Variants in SFI1 observed in about 807,000 individuals in gnomAD.
The protein encoded by SFI1 is SFI1 centrin binding protein, also known as protein SFI1 homolog.
SFI1 carries 195 observed loss-of-function variants against 207.5 expected under a neutral mutation model. The ratio of observed to expected loss-of-function variants is 0.94; its 90% confidence interval spans 0.84 to 1.06. The LOEUF (loss-of-function observed/expected upper bound fraction) is 1.06. SFI1 is among the 50% of genes least tolerant of loss of function. SFI1 has a pLI of 0.00. For synonymous variants in SFI1, 630 were observed against 598.9 expected, an observed-to-expected ratio of 1.05 and a Z score of -0.76; for missense variants, 1,634 against 1,588.0, an observed-to-expected ratio of 1.03 and a Z score of -0.49.
At chr22:31,522,348 A>AGGAGG in intron 2 of SFI1, among the ~76,000 whole-genome samples, 1 of 152,114 alleles carries the variant, frequency 6.6e-6, no homozygotes. Flanking sequence ...GTGAGCCACC[A>AGGAGG]CGCCTGGCCT....
chr22:31,561,504 G>A (rs910566489), intron 8 of SFI1, 112 bp downstream of exon 8: 1 of 840,184 alleles, frequency 1.2e-6, no homozygotes, highest in Non-Finnish European at 1.8e-6. Flanking sequence ...GAGGGGGTGG[G>A]GACAGAGGTA....
intron 22 of SFI1, among the ~76,000 whole-genome samples, chr22:31,609,866 GC>G (rs1440053236): frequency 6.6e-6 from 1 of 152,248 alleles, no homozygotes; most frequent in African/African-American, 2.4e-5. Flanking sequence ...AGCTCCAGAG[GC>G]TTTTGGCCAG....
chr22:31,609,278 G>A (rs965408233), intron 22 of SFI1, among the ~76,000 whole-genome samples: 1 of 152,062 alleles, frequency 6.6e-6, no homozygotes, highest in Non-Finnish European at 1.5e-5. Flanking sequence ...GATTACAGGC[G>A]TGAGCCACTA....
At chr22:31,574,629 C>CT (rs1443272391) in intron 9 of SFI1, among the ~76,000 whole-genome samples, 4 of 152,194 alleles carry the variant, frequency 2.6e-5, no homozygotes, top group African/African-American at 9.7e-5. Context: ...TCATCAGTAT[C>CT]TAACTAGAAG....
intron 8 of SFI1, among the ~76,000 whole-genome samples, chr22:31,569,559 A>G (rs900463743): frequency 2.0e-5 from 3 of 152,190 alleles, no homozygotes; most frequent in African/African-American, 7.2e-5. Context: ...ATGAAAGAGA[A>G]AAAAAGCAGG....
At chr22:31,607,889 A>C in intron 21 of SFI1, 48 bp from the exon 22 acceptor site, 3 of 1,571,990 alleles carry the variant, frequency 1.9e-6, no homozygotes, top group Non-Finnish European at 2.6e-6. Flanking sequence ...GTGGACCCGG[A>C]AGCCAGGAGG....
At chr22:31,539,262 C>T (rs1483846206) in intron 4 of SFI1, among the ~76,000 whole-genome samples, 1 of 152,126 alleles carries the variant, frequency 6.6e-6, no homozygotes, top group Non-Finnish European at 1.5e-5. Flanking sequence ...TGCCCCTAGT[C>T]AGTATCTTCT....
intron 2 of SFI1, among the ~76,000 whole-genome samples, chr22:31,528,038 C>T (rs184240424): frequency 5.3e-5 from 8 of 152,006 alleles, no homozygotes; most frequent in Admixed American, 2.0e-4. Flanking sequence ...TGCTTGAACC[C>T]GGGAGGCGGA....
Position 31,546,938 on chromosome 22 carries a change from G to C in SFI1, c.416G>C (p.Trp139Ser). Residue 139 changes from tryptophan (W) to serine (S), a missense_variant, in exon 5 of 33, where the codon TGG becomes TCG. Physicochemically the swap from Trp to Ser is radical, Grantham distance 177. Transcript: ENST00000400288. The part of the protein sequence containing the change: ...KEEWWVFQHE[W>S]KLCVRADCHY... ...GAGTGGTGGGTTTTCCAGCACGAGT[G>C]GAAACTCTGTGTTCGAGCTGACTGT... 1 of 1,611,810 alleles carries C rather than the reference G, an allele frequency of 6.2e-7. No homozygotes were observed. Among genetic ancestry groups the C allele is most frequent in the Non-Finnish European group, 8.5e-7 (1 of 1,179,002 alleles).
intron 19 of SFI1, 32 bp downstream of exon 19, chr22:31,604,436 T>C (rs1569449219): frequency 9.5e-6 from 14 of 1,469,308 alleles, no homozygotes; most frequent in Non-Finnish European, 1.2e-5. Flanking sequence ...CTGATCTTGC[T>C]GTGGGGACAG....
chr22:31,598,494 A>G (rs1603296724), intron 15 of SFI1, among the ~76,000 whole-genome samples: 1 of 151,222 alleles, frequency 6.6e-6, no homozygotes, highest in Non-Finnish European at 1.5e-5. Flanking sequence ...GTCTCAGCTC[A>G]CTGCAAGCTC....
chr22:31,616,077 G>C (rs2071382984), intron 29 of SFI1: 1 of 152,224 alleles, frequency 6.6e-6, no homozygotes. Context: ...AGGGGAAGGA[G>C]AGAGGGGAGG....
At chr22:31,593,133 T>G (rs2066378301) in intron 15 of SFI1, among the ~76,000 whole-genome samples, 1 of 135,392 alleles carries the variant, frequency 7.4e-6, no homozygotes. Flanking sequence ...GGCGGGGGGC[T>G]GACCCCCCCC....
chr22:31,523,312 A>G (rs1326808731), intron 2 of SFI1, among the ~76,000 whole-genome samples: 1 of 152,196 alleles, frequency 6.6e-6, no homozygotes, highest in African/African-American at 2.4e-5. Context: ...ACAAATGACC[A>G]GTATTTGGCC....
At chr22:31,561,490 C>G (rs2061695675) in intron 8 of SFI1, 98 bp downstream of exon 8, 4 of 1,012,590 alleles carry the variant, frequency 4.0e-6, no homozygotes, top group Non-Finnish European at 5.8e-6. Context: ...AGCTCAGGGC[C>G]TGAGAGGGGG....
Position 31,558,147 on chromosome 22 carries a change from T to A in SFI1, c.662+1088T>A, listed in dbSNP as rs1372170466. On this transcript the variant is annotated intron_variant, in intron 7 of 32. Transcript: ENST00000400288. ...GAAATAGTTACACCATACTTAAAGG[T>A]TTGTCATCAGGAATAAATAAAGTAA... Among the ~76,000 whole-genome samples, 4 of 152,110 alleles carry A rather than the reference T, an allele frequency of 2.6e-5. No individual in the cohort carries two copies. The East Asian group carries it at 7.7e-4, about 29-fold the overall frequency.
At chr22:31,500,772 T>TTG (rs1011284707) in intron 1 of SFI1, among the ~76,000 whole-genome samples, 3 of 150,518 alleles carry the variant, frequency 2.0e-5, no homozygotes, top group Non-Finnish European at 3.0e-5. Context: ...AGTGGTGTTT[T>TTG]TGTGTGTGTG....
At chr22:31,530,623 C>T (rs889758069) in intron 3 of SFI1, 3 of 471,038 alleles carry the variant, frequency 6.4e-6, no homozygotes, top group Middle Eastern at 3.3e-4. Context: ...TGACAGACAC[C>T]CTGTGAGCTG....
chr22:31,614,807 G>A lies in SFI1; in HGVS notation c.3015G>A (p.Ala1005=), dbSNP rs751651549. The part of the protein sequence containing the change: ...HALELNTAHS[A]RKQPRRPHFL... ...TTTCCAGCAACACTGCCCACTCAGC[G>A]AGGAAGCAGCCGCGACGCCCACACT... Residue 1005 remains alanine, a synonymous_variant, in exon 28 of 33, where the codon GCG becomes GCA. Coordinates refer to ENST00000400288, the MANE Select transcript of SFI1 (RefSeq NM_001007467.3). 26 of 1,613,756 alleles carry A rather than the reference G, an allele frequency of 1.6e-5. No homozygotes were observed. In the East Asian group the frequency reaches 1.8e-4, roughly 11 times the overall value.
Sources: gnomAD v4.1 joint callset for allele counts (sites outside exome capture counted in the v4.1 genomes callset) on GRCh38, gnomAD v4.1.1 for gene constraint, MANE v1.5 for transcripts, NCBI Gene and HGNC (gene_info 2026-07-23, HGNC 2026-07-21) for gene names.